Variants in CPNE4 observed in about 807,000 individuals in gnomAD.
The protein encoded by CPNE4 is copine-4.
Under a neutral mutation model 67.9 loss-of-function variants are expected in CPNE4, and 25 were observed. The ratio of observed to expected loss-of-function variants is 0.37; its 90% confidence interval spans 0.27 to 0.51. CPNE4 has a LOEUF of 0.51. Ranked by LOEUF, CPNE4 falls within the 20% of genes least tolerant of loss-of-function variation. The pLI is 0.93. For missense variants in CPNE4, 464 were observed against 690.8 expected (o/e 0.67, Z 3.68); for synonymous variants, 242 against 244.9 (o/e 0.99, Z 0.11).
Position 132,032,125 on chromosome 3 carries a change from A to C in CPNE4, c.-2+2442T>G, listed in dbSNP as rs575827998. ...TGTCATGTTGCTACTGGAGACTTGG[A>C]GATAAACAGGAAGTCTTTTAATTTC... On this transcript the variant is annotated intron_variant, in intron 1 of 15. Coordinates refer to ENST00000429747, the MANE Select transcript of CPNE4 (RefSeq NM_130808.3). Among the ~76,000 whole-genome samples, 8 of 152,340 alleles carry C rather than the reference A, an allele frequency of 5.3e-5. No homozygotes were observed. In the South Asian group the frequency reaches 1.7e-3, roughly 32 times the overall value.
intron 2 of CPNE4, among the ~76,000 whole-genome samples, chr3:131,896,239 T>A (rs918176603): frequency 2.0e-5 from 3 of 152,042 alleles, no homozygotes; most frequent in Admixed American, 1.3e-4. Context: ...CTAATTTTGA[T>A]AATATACATA....
At chr3:131,916,889 C>T (rs1043994345) in intron 1 of CPNE4, among the ~76,000 whole-genome samples, 1 of 152,170 alleles carries the variant, frequency 6.6e-6, no homozygotes, top group African/African-American at 2.4e-5. Flanking sequence ...AAGAACAAAG[C>T]AACTCATGAA....
intron 11 of CPNE4, among the ~76,000 whole-genome samples, chr3:131,561,575 C>T (rs1266733016): frequency 6.6e-6 from 1 of 151,898 alleles, no homozygotes; most frequent in Non-Finnish European, 1.5e-5. Flanking sequence ...CCTCATGGAT[C>T]ACCTCATAAT....
At chr3:131,658,630 A>C (rs576788022) in intron 7 of CPNE4, among the ~76,000 whole-genome samples, 1 of 152,340 alleles carries the variant, frequency 6.6e-6, no homozygotes, top group East Asian at 1.9e-4. Flanking sequence ...CACTGCAGAC[A>C]GGTGGGGTCT....
intron 2 of CPNE4, among the ~76,000 whole-genome samples, chr3:131,826,387 G>A (rs567929161): frequency 6.6e-6 from 1 of 152,030 alleles, no homozygotes; most frequent in South Asian, 2.1e-4. Flanking sequence ...TTGTAAAGAT[G>A]GGGTCTCACT....
chr3:131,820,566 T>C (rs953313054), intron 2 of CPNE4, among the ~76,000 whole-genome samples: 3 of 152,252 alleles, frequency 2.0e-5, no homozygotes, highest in East Asian at 3.8e-4. Flanking sequence ...ACACATACTA[T>C]GCAAATAATG....
chr3:132,036,616 C>T (rs1257587454), upstream of CPNE4, among the ~76,000 whole-genome samples: 1 of 152,116 alleles, frequency 6.6e-6, no homozygotes, highest in Non-Finnish European at 1.5e-5. Context: ...ATTGAACTTG[C>T]AAAGATGAAG....
intron 2 of CPNE4, among the ~76,000 whole-genome samples, chr3:131,793,778 GAGTC>G (rs1185317865): frequency 6.6e-6 from 1 of 152,178 alleles, no homozygotes; most frequent in African/African-American, 2.4e-5. Context: ...AAAGAGAAGA[GAGTC>G]AGAGAAGAGG....
At chr3:132,010,451 C>A (rs1329626752) in intron 1 of CPNE4, among the ~76,000 whole-genome samples, 1 of 151,876 alleles carries the variant, frequency 6.6e-6, no homozygotes, top group African/African-American at 2.4e-5. Context: ...TGAGTCGTGG[C>A]CTCTTTCTTT....
intron 1 of CPNE4, among the ~76,000 whole-genome samples, chr3:131,998,306 T>C (rs1231155867): frequency 2.6e-5 from 4 of 152,080 alleles, no homozygotes; most frequent in Non-Finnish European, 4.4e-5. Context: ...GTACTAACTA[T>C]CCTGTAAGGT....
intron 1 of CPNE4, among the ~76,000 whole-genome samples, chr3:131,987,482 G>A (rs898771037): frequency 3.8e-4 from 57 of 151,724 alleles, no homozygotes; most frequent in Middle Eastern, 3.4e-3. Flanking sequence ...CGTCTCCCAG[G>A]TTCAAGCGAT....
intron 7 of CPNE4, among the ~76,000 whole-genome samples, chr3:131,647,637 A>C (rs1445463360): frequency 6.6e-6 from 1 of 152,206 alleles, no homozygotes; most frequent in East Asian, 1.9e-4. Context: ...TAGTTGGCCT[A>C]GGTTTGAATC....
At chr3:131,990,934 T>C (rs1397088741) in intron 1 of CPNE4, among the ~76,000 whole-genome samples, 1 of 136,324 alleles carries the variant, frequency 7.3e-6, no homozygotes, top group African/African-American at 2.5e-5. Context: ...GATGGTTTTA[T>C]AAGGGGCTTT....
intron 1 of CPNE4, among the ~76,000 whole-genome samples, chr3:132,025,591 A>C (rs1000557797): frequency 6.6e-6 from 1 of 152,250 alleles, no homozygotes; most frequent in African/African-American, 2.4e-5. Context: ...ATTCCCCTGC[A>C]ACACAGCAAA....
chr3:131,741,885 A>G (rs1416870805), intron 2 of CPNE4, among the ~76,000 whole-genome samples: 1 of 152,186 alleles, frequency 6.6e-6, no homozygotes, highest in Non-Finnish European at 1.5e-5. Flanking sequence ...GGAGAAGATA[A>G]TTATTGGAAA....
chr3:131,879,794 A>G (rs1461148), intron 2 of CPNE4, among the ~76,000 whole-genome samples: 96,322 of 151,990 alleles, frequency 0.63, 30,750 homozygotes, highest in Admixed American at 0.72. Context: ...GGAGATTGGG[A>G]ATTGGATTCC....
intron 7 of CPNE4, among the ~76,000 whole-genome samples, chr3:131,591,717 C>T (rs917423712): frequency 1.3e-5 from 2 of 152,124 alleles, no homozygotes; most frequent in African/African-American, 2.4e-5. Context: ...GAGAAGGGAT[C>T]CCAAAGGAAG....
intron 7 of CPNE4, among the ~76,000 whole-genome samples, chr3:131,602,349 A>G (rs1939253469): frequency 6.6e-6 from 1 of 152,198 alleles, no homozygotes; most frequent in African/African-American, 2.4e-5. Context: ...AATTCAATGC[A>G]GTATTGCTGT....
At chr3:131,921,112 C>A (rs1368087174) in intron 1 of CPNE4, among the ~76,000 whole-genome samples, 2 of 152,216 alleles carry the variant, frequency 1.3e-5, no homozygotes, top group Non-Finnish European at 1.5e-5. Context: ...ACAAGAGTGA[C>A]AACTTTGCCT....
Sources: gnomAD v4.1 joint callset for allele counts (sites outside exome capture counted in the v4.1 genomes callset) on GRCh38, gnomAD v4.1.1 for gene constraint, MANE v1.5 for transcripts, NCBI Gene and HGNC (gene_info 2026-07-23, HGNC 2026-07-21) for gene names.